Variants in ARHGAP32 observed in about 807,000 individuals in gnomAD.
ARHGAP32 encodes rho GTPase-activating protein 32.
In ARHGAP32, 51 loss-of-function variants were observed where a neutral mutation model predicts 186.5. The ratio of observed to expected loss-of-function variants is 0.27; its 90% confidence interval spans 0.22 to 0.35. The LOEUF is 0.35. Among genes scored for constraint, ARHGAP32 ranks in the 10% least tolerant of loss-of-function variants. ARHGAP32 has a pLI of 1.00. For synonymous variants in ARHGAP32, 950 were observed against 964.3 expected (o/e 0.99, Z 0.27); for missense variants, 2,186 against 2,623.5 (o/e 0.83, Z 3.64).
intron 6 of ARHGAP32, among the ~76,000 whole-genome samples, chr11:129,076,267 AAAAAT>A (rs1196995854): frequency 6.8e-6 from 1 of 146,392 alleles, no homozygotes; most frequent in Non-Finnish European, 1.5e-5. Flanking sequence ...GAAATAACAT[AAAAAT>A]AGCCAACGAG....
At chr11:129,190,320 C>T (rs1242732899) in intron 1 of ARHGAP32, among the ~76,000 whole-genome samples, 2 of 152,182 alleles carry the variant, frequency 1.3e-5, no homozygotes, top group Non-Finnish European at 2.9e-5. Context: ...CTGCTGAATG[C>T]GTGAGAGACA....
intron 1 of ARHGAP32, among the ~76,000 whole-genome samples, chr11:129,206,928 C>T (rs193269330): frequency 5.3e-5 from 8 of 152,026 alleles, no homozygotes; most frequent in African/African-American, 1.2e-4. Flanking sequence ...CAACAGGCCC[C>T]GGTGTGTGAT....
intron 1 of ARHGAP32, among the ~76,000 whole-genome samples, chr11:129,190,289 G>A (rs1368715173): frequency 6.6e-6 from 1 of 152,152 alleles, no homozygotes; most frequent in Non-Finnish European, 1.5e-5. Flanking sequence ...CCACTCTGCT[G>A]CCACATTTCC....
chr11:129,179,891 G>C (rs566980669), intron 1 of ARHGAP32, among the ~76,000 whole-genome samples: 6 of 151,886 alleles, frequency 4.0e-5, no homozygotes, highest in African/African-American at 1.5e-4. Context: ...ACGTGTATAC[G>C]TATGTAACTA....
intron 1 of ARHGAP32, among the ~76,000 whole-genome samples, chr11:129,229,675 C>T (rs1237020870): frequency 6.6e-6 from 1 of 152,116 alleles, no homozygotes; most frequent in Admixed American, 6.5e-5. Context: ...CACAGGAAAA[C>T]CACGATATAT....
intron 11 of ARHGAP32, among the ~76,000 whole-genome samples, chr11:129,016,145 A>G (rs1252799153): frequency 6.6e-6 from 1 of 152,162 alleles, no homozygotes; most frequent in African/African-American, 2.4e-5. Flanking sequence ...CATTGTTTTC[A>G]TATGTTTCAT....
chr11:129,272,051 G>T (rs1236174090), intron 1 of ARHGAP32, among the ~76,000 whole-genome samples: 2 of 152,122 alleles, frequency 1.3e-5, no homozygotes, highest in East Asian at 3.9e-4. Flanking sequence ...CAAATGATCA[G>T]GCTAAAGAAT....
chr11:129,046,092 T>G (rs906722028), intron 10 of ARHGAP32, among the ~76,000 whole-genome samples: 6 of 151,816 alleles, frequency 4.0e-5, no homozygotes, highest in African/African-American at 1.5e-4. Flanking sequence ...TCATTTCCAG[T>G]GTTTTCCAGC....
At chr11:129,079,726 T>C (rs1287319827) in intron 6 of ARHGAP32, among the ~76,000 whole-genome samples, 1 of 152,084 alleles carries the variant, frequency 6.6e-6, no homozygotes, top group Non-Finnish European at 1.5e-5. Context: ...ACAACTAGCA[T>C]GAAGAATAGA....
chr11:129,264,239 G>A (rs943064459), intron 1 of ARHGAP32, among the ~76,000 whole-genome samples: 14 of 152,192 alleles, frequency 9.2e-5, no homozygotes, highest in Non-Finnish European at 1.9e-4. Context: ...GGGCCTGGGA[G>A]AAGGGGAAAA....
Position 128,970,907 on chromosome 11 carries a change from T to C in ARHGAP32, c.4306A>G (p.Lys1436Glu), listed in dbSNP as rs768182902. Residue 1436 changes from lysine (K) to glutamate (E), a missense_variant, in exon 23 of 23, where the codon AAG becomes GAG. Physicochemically the swap from Lys to Glu is moderately conservative, Grantham distance 56 (BLOSUM62 1). Transcript: ENST00000682385. This position sits in a 1 kb window ranked among gnomAD's most constrained non-coding sequence, Gnocchi z 5.8. ...CTGGAGTGTATGGCAGCAATCATCT[T>C]ACTCTCCATCATCCTGGTGGGGGGC... ...PLPPTRMMES[K>E]MIAAIHSSSA... is the part of the protein sequence containing the mutation. 6 of 1,614,202 alleles carry C rather than the reference T, an allele frequency of 3.7e-6. No individual in the cohort carries two copies. Among genetic ancestry groups the C allele is most frequent in the Non-Finnish European group, 5.1e-6 (6 of 1,180,024 alleles).
At chr11:129,012,557 G>T (rs1938133268) in intron 11 of ARHGAP32, among the ~76,000 whole-genome samples, 1 of 152,160 alleles carries the variant, frequency 6.6e-6, no homozygotes, top group Non-Finnish European at 1.5e-5. Context: ...GCTTGTCACA[G>T]AAAGCAAGGG....
At chr11:129,250,030 A>G (rs1213486913) in intron 1 of ARHGAP32, among the ~76,000 whole-genome samples, 2 of 151,644 alleles carry the variant, frequency 1.3e-5, no homozygotes, top group East Asian at 3.9e-4. Context: ...CCTGGGCAAC[A>G]TAGGGAGATC....
At chr11:129,030,503 G>A (rs1205893394) in intron 11 of ARHGAP32, 1 of 151,804 alleles carries the variant, frequency 6.6e-6, no homozygotes, top group Non-Finnish European at 1.5e-5. Context: ...TTGTACCCAT[G>A]TCAGTTACAG....
chr11:129,174,948 CTT>C (rs1246190680), intron 1 of ARHGAP32, among the ~76,000 whole-genome samples: 13 of 146,166 alleles, frequency 8.9e-5, no homozygotes, highest in Admixed American at 7.7e-4. Context: ...TGGAGAATGA[CTT>C]TGACGAGCTC....
At position 129,261,347 on chromosome 11, in the gene ARHGAP32, G is replaced by C. The variant is rs199538683; in HGVS notation, c.-5+17799C>G. 8.5e-5 allele frequency among the ~76,000 whole-genome samples: 13 copies of C among 152,194 alleles called. No homozygotes were observed. In the East Asian group the frequency reaches 2.5e-3, roughly 29 times the overall value. On this transcript the variant is annotated intron_variant, in intron 1 of 6. Coordinates refer to the ARHGAP32 transcript ENST00000525234. ...TGCCATTATAGATTCAGTTAAACAA[G>C]AATTTATTTTTTTCTGCTTTTACTA...
At chr11:129,264,916 A>G (rs1431231109) in intron 1 of ARHGAP32, among the ~76,000 whole-genome samples, 2 of 152,238 alleles carry the variant, frequency 1.3e-5, no homozygotes, top group Admixed American at 6.5e-5. Context: ...ACAACTCTTC[A>G]TAAGAGTAGG....
chr11:129,101,745 G>A (rs1294851896), intron 5 of ARHGAP32, among the ~76,000 whole-genome samples: 1 of 152,182 alleles, frequency 6.6e-6, no homozygotes, highest in Non-Finnish European at 1.5e-5. Context: ...GGCCCTTAAA[G>A]AGGTGGAGAG....
At chr11:128,986,218 T>G in intron 14 of ARHGAP32, 133 bp from the exon 15 acceptor site, 1 of 736,928 alleles carries the variant, frequency 1.4e-6, no homozygotes, top group Non-Finnish European at 2.3e-6. Flanking sequence ...AACACAACAT[T>G]GTATTCAGGA....
Sources: allele counts gnomAD v4.1 joint callset (sites outside exome capture counted in the v4.1 genomes callset), GRCh38; gene constraint gnomAD v4.1.1; non-coding constraint Gnocchi (gnomAD v3.1); transcripts MANE v1.5; gene names NCBI Gene and HGNC (gene_info 2026-07-23, HGNC 2026-07-21).